Variants in UGGT1 observed in about 807,000 individuals in gnomAD.
UGGT1 encodes the protein UDP-glucose:glycoprotein glucosyltransferase 1.
Under a neutral mutation model 203.9 loss-of-function variants are expected in UGGT1, and 107 were observed. The ratio of observed to expected loss-of-function variants is 0.52; its 90% CI spans 0.45 to 0.62. The LOEUF is 0.62. Ranked by LOEUF, UGGT1 falls within the 20% of genes least tolerant of loss-of-function variation. The pLI is 0.00. For missense variants in UGGT1, 1,673 were observed against 1,867.2 expected, an observed-to-expected ratio of 0.90 and a Z score of 1.92; for synonymous variants, 628 against 653.5, an observed-to-expected ratio of 0.96 and a Z score of 0.59.
intron 4 of UGGT1, among the ~76,000 whole-genome samples, chr2:128,108,822 A>G (rs1393522090): frequency 6.6e-6 from 1 of 151,404 alleles, no homozygotes; most frequent in African/African-American, 2.4e-5. Context: ...GAAACCAACC[A>G]CCCTGTTAAT....
At chr2:128,170,542 T>C (rs1691042615) in intron 27 of UGGT1, 152 bp downstream of exon 27, 2 of 639,292 alleles carry the variant, frequency 3.1e-6, no homozygotes, top group African/African-American at 3.7e-5. Flanking sequence ...TTACAAAGAT[T>C]GACAGTGGCT....
At chr2:128,161,383 G>GT in intron 25 of UGGT1, 115 bp downstream of exon 25, 1 of 1,265,696 alleles carries the variant, frequency 7.9e-7, no homozygotes, top group Non-Finnish European at 1.1e-6. Context: ...TTTATTTCCA[G>GT]TTTAAAATCT....
At chr2:128,092,075 C>T (rs1174122949) in intron 1 of UGGT1, among the ~76,000 whole-genome samples, 2 of 152,166 alleles carry the variant, frequency 1.3e-5, no homozygotes, top group African/African-American at 4.8e-5. Context: ...TTGTGCTACA[C>T]TAACTGTTTT....
chr2:128,132,162 T>G (rs1374478683), intron 13 of UGGT1, among the ~76,000 whole-genome samples: 1 of 152,182 alleles, frequency 6.6e-6, no homozygotes, highest in Non-Finnish European at 1.5e-5. Context: ...ACATTTCTTA[T>G]GTTTATTGCC....
At chr2:128,124,170 T>G (rs984150874) in intron 11 of UGGT1, among the ~76,000 whole-genome samples, 2 of 152,076 alleles carry the variant, frequency 1.3e-5, no homozygotes, top group Admixed American at 6.6e-5. Context: ...ATAGTCTCGA[T>G]CTCCTGACCT....
chr2:128,161,291 T>G, intron 25 of UGGT1, 23 bp downstream of exon 25: 1 of 1,610,618 alleles, frequency 6.2e-7, no homozygotes, highest in Non-Finnish European at 8.5e-7. Context: ...ATAGGAGGAA[T>G]TACAGGGGTT....
At chr2:128,138,967 C>G (rs529296168) in intron 16 of UGGT1, 115 bp downstream of exon 16, 2 of 1,367,452 alleles carry the variant, frequency 1.5e-6, no homozygotes, top group Non-Finnish European at 2.0e-6. Context: ...GGGGTGGGTC[C>G]TGAATTTAAA....
intron 30 of UGGT1, 128 bp downstream of exon 30, chr2:128,174,067 C>A (rs1038324707): frequency 5.2e-6 from 6 of 1,151,400 alleles, no homozygotes; most frequent in Non-Finnish European, 6.1e-6. Flanking sequence ...TGAATTTGGT[C>A]AATATAGAAA....
chr2:128,152,798 T>C lies in UGGT1; in HGVS notation c.2031T>C (p.His677=), dbSNP rs1264124994. 2 of 1,609,422 alleles carry C rather than the reference T, an allele frequency of 1.2e-6. No homozygotes were observed. The highest frequency in any genetic ancestry group is 1.1e-5 in the South Asian group (1 of 89,922). The change falls in exon 19 of 41, where the codon CAT becomes CAC. Residue 677 remains histidine (H), a synonymous_variant. Coordinates refer to ENST00000259253, the MANE Select transcript of UGGT1 (RefSeq NM_020120.4). ...TTTTCTTGCAGGGTGAACTGCCCCA[T>C]GATCAAGATGTGGTAGAGTATATCA... ...QRAVYLGELP[H]DQDVVEYIMN...
intron 11 of UGGT1, among the ~76,000 whole-genome samples, chr2:128,124,603 T>C (rs1034338483): frequency 3.3e-5 from 5 of 152,030 alleles, no homozygotes; most frequent in African/African-American, 4.8e-5. Context: ...CCTAGAAATA[T>C]GTATTTATTT....
At chr2:128,115,313 T>A in intron 7 of UGGT1, 93 bp downstream of exon 7, 1 of 1,134,478 alleles carries the variant, frequency 8.8e-7, no homozygotes. Flanking sequence ...TTTAGGTGTA[T>A]GCTGAACCTG....
At chr2:128,100,984 C>A (rs1416710967) in intron 2 of UGGT1, among the ~76,000 whole-genome samples, 1 of 152,178 alleles carries the variant, frequency 6.6e-6, no homozygotes, top group African/African-American at 2.4e-5. Flanking sequence ...CATGATATCC[C>A]TGGTCATTTG....
intron 15 of UGGT1, among the ~76,000 whole-genome samples, chr2:128,137,292 A>G (rs1349255413): frequency 6.6e-6 from 1 of 152,134 alleles, no homozygotes; most frequent in East Asian, 1.9e-4. Flanking sequence ...GGTGGCACAC[A>G]CCTGTAGTCC....
At chr2:128,185,517 A>G in intron 38 of UGGT1, among the ~76,000 whole-genome samples, 1 of 128,974 alleles carries the variant, frequency 7.8e-6, no homozygotes, top group African/African-American at 3.1e-5. Context: ...TCTGTCACCC[A>G]GGCTGGAGTG....
intron 25 of UGGT1, among the ~76,000 whole-genome samples, chr2:128,162,488 A>G (rs751716817): frequency 6.6e-6 from 1 of 151,944 alleles, no homozygotes; most frequent in African/African-American, 2.4e-5. Context: ...ATCATGCTGC[A>G]GAGTTCAAGA....
At chr2:128,179,567 T>C (rs1200269262) in intron 34 of UGGT1, among the ~76,000 whole-genome samples, 1 of 152,220 alleles carries the variant, frequency 6.6e-6, no homozygotes, top group Non-Finnish European at 1.5e-5. Context: ...AAGTGTAGTT[T>C]TATAGGTGAG....
chr2:128,122,210 G>A (rs1688412976), intron 10 of UGGT1, among the ~76,000 whole-genome samples: 1 of 151,730 alleles, frequency 6.6e-6, no homozygotes, highest in Non-Finnish European at 1.5e-5. Flanking sequence ...CTGACCTCAG[G>A]TGATCCACCC....
intron 25 of UGGT1, among the ~76,000 whole-genome samples, chr2:128,162,596 T>A (rs1690580213): frequency 6.6e-6 from 1 of 151,940 alleles, no homozygotes; most frequent in Non-Finnish European, 1.5e-5. Flanking sequence ...TTTTGGCCAA[T>A]ACTGGGGCTA....
At chr2:128,118,006 GA>G in intron 8 of UGGT1, among the ~76,000 whole-genome samples, 2 of 151,728 alleles carry the variant, frequency 1.3e-5, no homozygotes, top group African/African-American at 2.4e-5. Context: ...GAGAGAGAGA[GA>G]GAGAGAGAGG....
Sources: gnomAD v4.1 joint callset for allele counts (sites outside exome capture counted in the v4.1 genomes callset) on GRCh38, gnomAD v4.1.1 for gene constraint, MANE v1.5 for transcripts, NCBI Gene and HGNC (gene_info 2026-07-23, HGNC 2026-07-21) for gene names.